The following EDA variants were observed in gnomAD, a reference collection of about 807,000 sequenced individuals.
EDA encodes the protein ectodysplasin-A.
A neutral mutation model predicts 23.6 loss-of-function variants in EDA; 2 were observed. That is an observed-to-expected ratio of 0.08 (90% CI 0.03 to 0.27). The LOEUF (loss-of-function observed/expected upper bound fraction) is 0.27. Among genes scored for constraint, EDA ranks in the 10% least tolerant of loss-of-function variants. EDA has a pLI of 1.00. For synonymous variants in EDA, 131 were observed against 132.0 expected, an observed-to-expected ratio of 0.99 and a Z score of 0.05; for missense variants, 229 against 324.2, an observed-to-expected ratio of 0.71 and a Z score of 2.26.
Position 69,980,068 on chromosome X carries a change from C to G in EDA, c.502+22936C>G, listed in dbSNP as rs147100696. ...CACTGAGATTTTATATCAGTCACAA[C>G]TCAAGTGGCTCTGTGATTTCACTGT... On this transcript the variant is annotated intron_variant, in intron 2 of 7. Coordinates refer to ENST00000374552, the MANE Select transcript of EDA (RefSeq NM_001399.5). Among the ~76,000 whole-genome samples the G allele has an allele frequency of 5.5e-3, 616 of 111,431 alleles. 2 individuals are homozygous for G. Among genetic ancestry groups the G allele is most frequent in the African/African-American group, 0.019 (587 of 30,695 alleles).
chrX:69,960,290 A>G (rs375500132), intron 2 of EDA, among the ~76,000 whole-genome samples: 11 of 111,303 alleles, frequency 9.9e-5, no homozygotes, highest in African/African-American at 3.6e-4. Flanking sequence ...GAATGGCTGA[A>G]GGATTTTTCA....
At chrX:70,015,239 G>A (rs1423911377) in intron 2 of EDA, among the ~76,000 whole-genome samples, 3 of 111,856 alleles carry the variant, frequency 2.7e-5, no homozygotes, top group Non-Finnish European at 5.6e-5. Flanking sequence ...AACCCTACAA[G>A]CCAAAAGAGA....
intron 1 of EDA, among the ~76,000 whole-genome samples, chrX:69,856,820 G>T (rs1299724332): frequency 9.0e-6 from 1 of 110,896 alleles, no homozygotes; most frequent in Non-Finnish European, 1.9e-5. Context: ...TCTGTGGGTT[G>T]TCTGTTTACT....
rs138087284 is a variant in EDA, at chrX:69,635,566, C to CTTTTTTTTTTT, written c.396+18872_396+18882dup. Among the ~76,000 whole-genome samples, 18 of 63,465 alleles carry CTTTTTTTTTTT rather than the reference C, an allele frequency of 2.8e-4. 2 individuals carry two copies. Among genetic ancestry groups the CTTTTTTTTTTT allele is most frequent in the African/African-American group, 1.1e-3 (15 of 13,573 alleles). 55.1% of individuals were successfully genotyped at this position (63,465 alleles called of 115,157 possible). ...CCCCACTCACATTCTAACACCAAAT[C>CTTTTTTTTTTT]TTTTTTTTTTTTTTTTTTTTGACAC... is the stretch of plus-strand genomic sequence containing the variant. On this transcript the variant is annotated intron_variant, in intron 1 of 7. Coordinates refer to ENST00000374552, the MANE Select transcript of EDA (RefSeq NM_001399.5).
intron 1 of EDA, among the ~76,000 whole-genome samples, chrX:69,714,957 A>G (rs933660027): frequency 2.7e-5 from 3 of 110,442 alleles, no homozygotes; most frequent in African/African-American, 9.9e-5. Flanking sequence ...ATTATAGTAA[A>G]CCTGTGGATC....
rs2012257073 is a variant in EDA at position 69,714,931 on chromosome X, T to C, written c.396+98227T>C. Among the ~76,000 whole-genome samples the C allele has an allele frequency of 1.8e-5, 2 of 110,927 alleles. 1 individual carries two copies. ...TGCCTATGTCTACAAAAATCCTTGT[T>C]AGGATTTTTATAGGAATTATAGTAA... On this transcript the variant is annotated intron_variant, in intron 1 of 7. Coordinates refer to ENST00000374552, the MANE Select transcript of EDA (RefSeq NM_001399.5).
chrX:69,921,547 C>T (rs926685944), intron 1 of EDA, among the ~76,000 whole-genome samples: 1 of 110,263 alleles, frequency 9.1e-6, no homozygotes, highest in African/African-American at 3.3e-5. Flanking sequence ...CTTGATCATC[C>T]GATTCCAATT....
chrX:69,753,055 G>C (rs1238542714), intron 1 of EDA, among the ~76,000 whole-genome samples: 1 of 111,237 alleles, frequency 9.0e-6, no homozygotes, highest in Non-Finnish European at 1.9e-5. Context: ...TTTTTGAAGG[G>C]TTTTTTGTGT....
At chrX:69,644,398 C>A (rs1932879820) in intron 1 of EDA, among the ~76,000 whole-genome samples, 1 of 110,924 alleles carries the variant, frequency 9.0e-6, no homozygotes. Flanking sequence ...CATGATTTGG[C>A]TCTCTGCTTG....
At chrX:69,631,711 T>C (rs1318587240) in intron 1 of EDA, among the ~76,000 whole-genome samples, 1 of 110,887 alleles carries the variant, frequency 9.0e-6, no homozygotes, top group African/African-American at 3.3e-5. Flanking sequence ...GTGAAGCCTT[T>C]CCTAATAGCT....
At chrX:69,989,000 C>T (rs781315643) in intron 2 of EDA, among the ~76,000 whole-genome samples, 2 of 111,951 alleles carry the variant, frequency 1.8e-5, no homozygotes, top group African/African-American at 6.5e-5. Flanking sequence ...AAAGAGGCAG[C>T]GTGAAGCAAG....
intron 1 of EDA, among the ~76,000 whole-genome samples, chrX:69,914,447 T>A (rs2018313120): frequency 1.8e-5 from 2 of 112,067 alleles, no homozygotes; most frequent in South Asian, 7.5e-4. Flanking sequence ...TCCAGAGCAT[T>A]TCCACATGTT....
At chrX:70,002,318 T>C (rs1219916142) in intron 2 of EDA, among the ~76,000 whole-genome samples, 5 of 110,137 alleles carry the variant, frequency 4.5e-5, no homozygotes, top group African/African-American at 1.3e-4. Context: ...GGCAACATGA[T>C]TTCATAATGA....
intron 1 of EDA, among the ~76,000 whole-genome samples, chrX:69,786,044 T>G (rs12558164): frequency 0.36 from 38,812 of 107,114 alleles, 7,005 homozygotes; most frequent in Middle Eastern, 0.62. Flanking sequence ...GTCGAGGAAT[T>G]TATCCATTTC....
At chrX:69,871,228 A>C (rs2017561251) in intron 1 of EDA, among the ~76,000 whole-genome samples, 1 of 111,843 alleles carries the variant, frequency 8.9e-6, no homozygotes, top group East Asian at 2.8e-4. Context: ...CCCCAAAACC[A>C]ACAAAAGAAC....
intron 1 of EDA, among the ~76,000 whole-genome samples, chrX:69,895,305 T>C (rs780352202): frequency 1.5e-4 from 16 of 109,482 alleles, no homozygotes; most frequent in African/African-American, 5.3e-4. Context: ...GAGGGTACTT[T>C]AAGTTTAGTT....
At chrX:69,616,735 C>A (rs755322534) in intron 1 of EDA, 31 bp downstream of exon 1, 1 of 1,210,812 alleles carries the variant, frequency 8.3e-7, no homozygotes, top group Non-Finnish European at 1.1e-6. Flanking sequence ...GGCGGCGGCC[C>A]CCTCCCCTCG....
chrX:69,854,104 T>G, intron 1 of EDA, among the ~76,000 whole-genome samples: 1 of 111,511 alleles, frequency 9.0e-6, no homozygotes, highest in Non-Finnish European at 1.9e-5. Context: ...ACTCAGGTAT[T>G]AAGCCTATTA....
chrX:70,001,599 C>T (rs1302497681), intron 2 of EDA, among the ~76,000 whole-genome samples: 2 of 112,418 alleles, frequency 1.8e-5, no homozygotes, highest in African/African-American at 3.2e-5. Flanking sequence ...TCCCTTCTGA[C>T]TCCTATGTTC....
Sources: gnomAD v4.1 joint callset for allele counts (sites outside exome capture counted in the v4.1 genomes callset) on GRCh38, gnomAD v4.1.1 for gene constraint, MANE v1.5 for transcripts, NCBI Gene and HGNC (gene_info 2026-07-23, HGNC 2026-07-21) for gene names.